Variants in AXDND1 observed in about 807,000 individuals in gnomAD.
AXDND1 encodes the protein axonemal dynein light chain domain-containing protein 1.
AXDND1 carries 110 observed loss-of-function variants against 137.5 expected under a neutral mutation model. The observed-to-expected ratio is 0.80, with a 90% confidence interval of 0.69 to 0.94. The LOEUF is 0.94. Ranked by LOEUF, AXDND1 falls within the 40% of genes least tolerant of loss-of-function variation. The pLI is 0.00. For synonymous variants in AXDND1, 414 were observed against 399.7 expected (o/e 1.04, Z -0.43); for missense variants, 1,191 against 1,169.8 (o/e 1.02, Z -0.26).
chr1:179,421,350 C>CTTTTCT (rs1225855513), intron 12 of AXDND1, among the ~76,000 whole-genome samples: 2 of 143,000 alleles, frequency 1.4e-5, no homozygotes, highest in African/African-American at 5.4e-5. Flanking sequence ...TCCTTCCTTC[C>CTTTTCT]TTTTCTTTTT....
chr1:179,463,517 C>T (rs961103076), intron 16 of AXDND1, among the ~76,000 whole-genome samples: 16 of 152,138 alleles, frequency 1.1e-4, no homozygotes, highest in Non-Finnish European at 1.5e-5. Flanking sequence ...TTTTCATTTA[C>T]TGAGGAGAGC....
chr1:179,533,583 G>A (rs1311348920), intron 23 of AXDND1, among the ~76,000 whole-genome samples: 3 of 147,608 alleles, frequency 2.0e-5, no homozygotes, highest in African/African-American at 2.5e-5. Context: ...CCTGAAGCAC[G>A]AGTAATTTGG....
At chr1:179,504,377 A>G (rs1668328784) in intron 20 of AXDND1, among the ~76,000 whole-genome samples, 1 of 152,146 alleles carries the variant, frequency 6.6e-6, no homozygotes, top group African/African-American at 2.4e-5. Context: ...TGGACCTGCC[A>G]CAGATGGTGG....
intron 9 of AXDND1, among the ~76,000 whole-genome samples, chr1:179,386,103 G>A (rs566473761): frequency 2.1e-5 from 3 of 141,318 alleles, no homozygotes; most frequent in Non-Finnish European, 4.5e-5. Flanking sequence ...CCAGGCTGGA[G>A]TGCAATGGCG....
In AXDND1 at chr1:179,554,536, G is replaced by A; in HGVS notation, c.*17G>A. 3.7e-6 allele frequency: 6 copies of A among 1,614,104 alleles called. No homozygotes were observed. Among genetic ancestry groups the A allele is most frequent in the Non-Finnish European group, 5.1e-6 (6 of 1,180,002 alleles). Reference sequence around the variant, plus strand: ...GGTCACTGAATCCAAGGCAACCTGTGGAAAGAAGAATTCAGATGTCAGTGG... The same window carrying A: ...GGTCACTGAATCCAAGGCAACCTGTAGAAAGAAGAATTCAGATGTCAGTGG... On this transcript the variant is annotated 3_prime_UTR_variant, in exon 26 of 26. Transcript: ENST00000367618.
chr1:179,374,952 A>G (rs1210779197), intron 4 of AXDND1, among the ~76,000 whole-genome samples: 1 of 152,068 alleles, frequency 6.6e-6, no homozygotes, highest in Non-Finnish European at 1.5e-5. Context: ...CATTGTGCAC[A>G]TGTACCCTAG....
At chr1:179,424,325 G>A (rs1656240165) in intron 12 of AXDND1, among the ~76,000 whole-genome samples, 1 of 151,440 alleles carries the variant, frequency 6.6e-6, no homozygotes, top group African/African-American at 2.4e-5. Context: ...TTTGATTGTT[G>A]TATACCTTGG....
intron 11 of AXDND1, among the ~76,000 whole-genome samples, chr1:179,407,088 T>C (rs1653085724): frequency 6.6e-6 from 1 of 152,140 alleles, no homozygotes; most frequent in Admixed American, 6.6e-5. Flanking sequence ...TGTTTCTAAA[T>C]ATAGGACTAC....
chr1:179,400,884 A>C (rs566082159), intron 11 of AXDND1, among the ~76,000 whole-genome samples: 2 of 129,930 alleles, frequency 1.5e-5, no homozygotes, highest in East Asian at 5.0e-4. Context: ...CAGCCTGGGC[A>C]ACAGAGCGAG....
At chr1:179,546,425 G>A (rs1489922925) in intron 25 of AXDND1, among the ~76,000 whole-genome samples, 1 of 152,038 alleles carries the variant, frequency 6.6e-6, no homozygotes, top group Non-Finnish European at 1.5e-5. Flanking sequence ...GGTTTAAATA[G>A]TCCTTGAGAC....
At chr1:179,551,377 A>C in intron 25 of AXDND1, 1 of 1,614,000 alleles carries the variant, frequency 6.2e-7, no homozygotes, top group Non-Finnish European at 8.5e-7. Flanking sequence ...GAACGGCAGC[A>C]GGGGTGCCTG....
Position 179,509,200 on chromosome 1 carries a change from G to A in AXDND1, c.2389-96G>A, listed in dbSNP as rs567873655. On this transcript the variant is annotated intron_variant, in intron 20 of 25. Transcript: ENST00000367618. ...ACTGATATAAAGTTAATTGAATATA[G>A]TTATGTTTAGAGGAATTGTATTTAT... 3.5e-4 allele frequency: 257 copies of A among 733,166 alleles called. 3 individuals carry two copies. In the South Asian group the frequency reaches 4.5e-3, roughly 13 times the overall value. 45.4% of individuals were successfully genotyped at this position (733,166 alleles called of 1,614,324 possible).
intron 20 of AXDND1, among the ~76,000 whole-genome samples, chr1:179,503,090 C>T (rs763779766): frequency 1.2e-3 from 114 of 93,490 alleles, no homozygotes; most frequent in Non-Finnish European, 2.2e-3. Flanking sequence ...AGCAAAACTC[C>T]GTGTAAAAAA....
At chr1:179,535,083 C>G (rs776506369) in intron 25 of AXDND1, 121 bp downstream of exon 25, 1 of 1,437,328 alleles carries the variant, frequency 7.0e-7, no homozygotes, top group Non-Finnish European at 9.6e-7. Flanking sequence ...GTTTATACTT[C>G]TCATAGGAAT....
intron 11 of AXDND1, among the ~76,000 whole-genome samples, chr1:179,400,934 AAAAAG>A (rs1651929711): frequency 6.7e-6 from 1 of 149,462 alleles, no homozygotes; most frequent in South Asian, 2.1e-4. Flanking sequence ...AAAAGAAAAA[AAAAAG>A]GACACAGAAA....
intron 7 of AXDND1, 32 bp downstream of exon 7, chr1:179,382,788 C>G: frequency 2.7e-6 from 4 of 1,499,670 alleles, no homozygotes; most frequent in Non-Finnish European, 3.7e-6. Context: ...AAGTCTTTCT[C>G]AGAAAGAATA....
intron 17 of AXDND1, among the ~76,000 whole-genome samples, chr1:179,475,608 T>C (rs190003177): frequency 1.4e-4 from 22 of 152,366 alleles, no homozygotes; most frequent in African/African-American, 4.6e-4. Flanking sequence ...CTGCATTGTA[T>C]CTTGGAAGGA....
chr1:179,501,896 GA>G (rs1279821289), intron 20 of AXDND1, among the ~76,000 whole-genome samples: 4 of 151,984 alleles, frequency 2.6e-5, no homozygotes, highest in Non-Finnish European at 5.9e-5. Context: ...TTGGGGGTAG[GA>G]AAATTTTTTT....
chr1:179,514,417 A>T (rs921905102), intron 21 of AXDND1, among the ~76,000 whole-genome samples: 2 of 150,780 alleles, frequency 1.3e-5, no homozygotes, highest in African/African-American at 4.9e-5. Flanking sequence ...ATTTTATTCC[A>T]CTCTGAGAGA....
Sources: allele counts gnomAD v4.1 joint callset (sites outside exome capture counted in the v4.1 genomes callset), GRCh38; gene constraint gnomAD v4.1.1; transcripts MANE v1.5; gene names NCBI Gene and HGNC (gene_info 2026-07-23, HGNC 2026-07-21).